Variants in TTC33 observed in about 807,000 individuals in gnomAD.
TTC33 encodes tetratricopeptide repeat domain 33.
TTC33 carries 24 observed loss-of-function variants against 29.4 expected under a neutral mutation model. The ratio of observed to expected loss-of-function variants is 0.82; its 90% CI spans 0.59 to 1.15. TTC33 has a LOEUF of 1.15. TTC33 is among the 50% of genes most tolerant of loss of function. The probability of loss-of-function intolerance (pLI) is 0.00; values close to 1 mark genes in which losing one functional copy is unlikely to be tolerated. For synonymous variants in TTC33, 107 were observed against 100.3 expected (o/e 1.07, Z -0.40); for missense variants, 286 against 310.4 (o/e 0.92, Z 0.59).
rs2111857228 is a variant in TTC33, at chr5:40,715,596, A to G, written c.*549T>C. The stretch of plus-strand genomic sequence containing the variant: ...TTCAGAAAATGTTCAGAATGTACAC[A>G]TTTGTGTGCATTTTCAGCCAAACTT... On this transcript the variant is annotated 3_prime_UTR_variant, in exon 5 of 5. Coordinates refer to ENST00000337702, the MANE Select transcript of TTC33 (RefSeq NM_012382.3). 1 of 152,530 alleles carries G rather than the reference A, an allele frequency of 6.6e-6. No homozygotes were observed. The highest frequency in any genetic ancestry group is 2.1e-4 in the South Asian group (1 of 4,834). The allele number at this position is 152,530 out of a possible 1,614,324, so 9.4% of individuals were successfully genotyped here.
intron 1 of TTC33, among the ~76,000 whole-genome samples, chr5:40,750,092 A>G (rs1311953316): frequency 6.6e-6 from 1 of 151,966 alleles, no homozygotes; most frequent in African/African-American, 2.4e-5. Context: ...CATCTCAAAA[A>G]AAAAAAAAAA....
chr5:40,720,804 G>A (rs1490808793), intron 4 of TTC33, among the ~76,000 whole-genome samples: 1 of 152,132 alleles, frequency 6.6e-6, no homozygotes, highest in Non-Finnish European at 1.5e-5. Context: ...CCTACTCCCA[G>A]CACAGCTCCA....
intron 2 of TTC33, among the ~76,000 whole-genome samples, chr5:40,739,656 G>C: frequency 6.6e-6 from 1 of 152,074 alleles, no homozygotes; most frequent in East Asian, 1.9e-4. Flanking sequence ...CTTTCCTGAG[G>C]GCTCCCCAGA....
At chr5:40,737,299 CAAA>C (rs574558543) in intron 2 of TTC33, among the ~76,000 whole-genome samples, 3 of 116,364 alleles carry the variant, frequency 2.6e-5, no homozygotes, top group Non-Finnish European at 3.6e-5. Context: ...GGCTCCACCT[CAAA>C]AAAAAAAAAA....
intron 1 of TTC33, among the ~76,000 whole-genome samples, chr5:40,754,044 T>C (rs1414146078): frequency 6.6e-6 from 1 of 152,178 alleles, no homozygotes; most frequent in African/African-American, 2.4e-5. Flanking sequence ...CAGATTCCAA[T>C]TACCCTCCCC....
intron 1 of TTC33, 135 bp downstream of exon 1, chr5:40,755,689 C>G (rs933328846): frequency 1.3e-5 from 2 of 152,772 alleles, no homozygotes; most frequent in Non-Finnish European, 2.9e-5. Context: ...ACAACACCCA[C>G]TCGCCTCTTT....
rs1741934672 is a variant in TTC33, at chr5:40,713,346, AC to A, written c.*2798del. 6.6e-6 allele frequency among the ~76,000 whole-genome samples: 1 copy of A among 152,170 alleles called. No individual in the cohort carries two copies. The highest frequency in any genetic ancestry group is 1.5e-5 in the Non-Finnish European group (1 of 68,016). ...TTTTGAATCATTATGTAATTTTCAA[AC>A]AACTAAAAGGGCTATACTGTTCAGT... is the stretch of plus-strand genomic sequence containing the variant. On this transcript the variant is annotated 3_prime_UTR_variant, in exon 5 of 5. Coordinates refer to ENST00000337702, the MANE Select transcript of TTC33 (RefSeq NM_012382.3).
At chr5:40,728,510 TAATATTC>T (rs553999230) in intron 3 of TTC33, 34 bp from the exon 4 acceptor site, 85 of 1,556,616 alleles carry the variant, frequency 5.5e-5, no homozygotes, top group Non-Finnish European at 6.9e-5. Context: ...AATCTGTCAG[TAATATTC>T]ATAAACTAGC....
In TTC33 at chr5:40,714,852, T is replaced by A. The variant is rs1381899569; in HGVS notation, c.*1293A>T. 6.6e-6 allele frequency: 1 copy of A among 152,256 alleles called. No individual in the cohort carries two copies. Among genetic ancestry groups the A allele is most frequent in the Non-Finnish European group, 1.5e-5 (1 of 67,966 alleles). The allele number at this position is 152,256 out of a possible 1,614,324, so 9.4% of individuals were successfully genotyped here. On this transcript the variant is annotated 3_prime_UTR_variant, in exon 5 of 5. Coordinates refer to ENST00000337702, the MANE Select transcript of TTC33 (RefSeq NM_012382.3). ...ATCTTTAACATAAAGTGGGCTACTT[T>A]CATCTCTAACAAAGATAAAATTAAT...
intron 2 of TTC33, among the ~76,000 whole-genome samples, chr5:40,732,772 C>T (rs771153540): frequency 3.3e-5 from 5 of 152,068 alleles, no homozygotes; most frequent in Non-Finnish European, 5.9e-5. Flanking sequence ...CCACACCTGG[C>T]TAATTTTTGT....
chr5:40,745,739 ATTTG>A (rs1742777745), intron 2 of TTC33, among the ~76,000 whole-genome samples: 1 of 150,886 alleles, frequency 6.6e-6, no homozygotes, highest in African/African-American at 2.4e-5. Context: ...CGATTTATTT[ATTTG>A]TTTATTTATT....
chr5:40,735,913 T>C (rs1473027088), intron 2 of TTC33, among the ~76,000 whole-genome samples: 1 of 152,162 alleles, frequency 6.6e-6, no homozygotes, highest in African/African-American at 2.4e-5. Flanking sequence ...TATGACTGGA[T>C]GGTTCATCAA....
intron 1 of TTC33, among the ~76,000 whole-genome samples, chr5:40,754,681 T>C (rs746141128): frequency 3.9e-5 from 6 of 152,338 alleles, no homozygotes; most frequent in Admixed American, 3.3e-4. Flanking sequence ...ATACACGATA[T>C]GTGCTACAAG....
At chr5:40,717,571 C>A (rs1263802807) in intron 4 of TTC33, among the ~76,000 whole-genome samples, 1 of 151,930 alleles carries the variant, frequency 6.6e-6, no homozygotes, top group Non-Finnish European at 1.5e-5. Flanking sequence ...ACATCCCTGA[C>A]CTACACTCAC....
chr5:40,730,179 G>C, intron 3 of TTC33, 83 bp downstream of exon 3: 1 of 1,002,702 alleles, frequency 1.0e-6, no homozygotes, highest in African/African-American at 1.6e-5. Flanking sequence ...GGGAGAAAAT[G>C]CTATTTTGCT....
intron 1 of TTC33, among the ~76,000 whole-genome samples, chr5:40,749,507 T>A (rs1023085060): frequency 6.6e-6 from 1 of 152,206 alleles, no homozygotes; most frequent in African/African-American, 2.4e-5. Flanking sequence ...GAGGGCTTTA[T>A]GAAACTACCA....
intron 2 of TTC33, among the ~76,000 whole-genome samples, chr5:40,735,793 G>A (rs1742536576): frequency 1.3e-5 from 2 of 152,170 alleles, no homozygotes. Context: ...TGTGCTGAAT[G>A]ATGAGAAGCA....
At position 40,748,322 on chromosome 5, in the gene TTC33, G is replaced by A. The variant is rs555860867; in HGVS notation, c.-1-1303C>T. ...AACAATTCTCCTGCCTCAGCCTCCC[G>A]AGCAGCTGGGATTACAGGCATGCGT... On this transcript the variant is annotated intron_variant, in intron 1 of 4. Transcript: ENST00000337702. Among the ~76,000 whole-genome samples the A allele has an allele frequency of 9.9e-5, 15 of 152,116 alleles. 1 individual carries two copies. Among genetic ancestry groups the A allele is most frequent in the South Asian group, 2.1e-4 (1 of 4,822 alleles).
rs1232917361 is a variant in TTC33 at position 40,713,204 on chromosome 5, A to C, written c.*2941T>G. On this transcript the variant is annotated 3_prime_UTR_variant, in exon 5 of 5. Transcript: ENST00000337702. ...TCATTTAGATATTAATACATGTATCATGAAATCATAGCTCAGAATTGCTGG... is the reference window on the plus strand; with the variant it reads ...TCATTTAGATATTAATACATGTATCCTGAAATCATAGCTCAGAATTGCTGG... 6.6e-6 allele frequency among the ~76,000 whole-genome samples: 1 copy of C among 152,186 alleles called. No individual in the cohort carries two copies. The highest frequency in any genetic ancestry group is 1.5e-5 in the Non-Finnish European group (1 of 68,016).
Sources: allele counts gnomAD v4.1 joint callset (sites outside exome capture counted in the v4.1 genomes callset), GRCh38; gene constraint gnomAD v4.1.1; transcripts MANE v1.5; gene names NCBI Gene and HGNC (gene_info 2026-07-23, HGNC 2026-07-21).